The following SEMA3D variants were observed in gnomAD, a reference collection of about 807,000 sequenced individuals.
The protein encoded by SEMA3D is semaphorin 3D.
A neutral mutation model predicts 100.1 loss-of-function variants in SEMA3D; 84 were observed. That is an observed-to-expected ratio of 0.84 (90% CI 0.70 to 1.01). The LOEUF (loss-of-function observed/expected upper bound fraction) is 1.01. SEMA3D is among the 50% of genes least tolerant of loss of function. SEMA3D has a pLI of 0.00. For missense variants in SEMA3D, 875 were observed against 934.1 expected (o/e 0.94, Z 0.82); for synonymous variants, 312 against 320.7 (o/e 0.97, Z 0.29).
chr7:85,182,221 T>C (rs1791429727), intron 1 of SEMA3D, among the ~76,000 whole-genome samples: 1 of 152,162 alleles, frequency 6.6e-6, no homozygotes, highest in African/African-American at 2.4e-5. Flanking sequence ...TTAATTAGTA[T>C]TCTTATATAC....
At chr7:85,028,395 A>T in intron 12 of SEMA3D, 1 of 495,880 alleles carries the variant, frequency 2.0e-6, no homozygotes, top group Non-Finnish European at 3.6e-6. Context: ...AAAAAAAAAA[A>T]AAAAAAAAGG....
At chr7:85,089,813 C>T (rs975616009) in intron 4 of SEMA3D, among the ~76,000 whole-genome samples, 1 of 152,024 alleles carries the variant, frequency 6.6e-6, no homozygotes, top group African/African-American at 2.4e-5. Flanking sequence ...ATTGTTTGAG[C>T]CCAAGAAGTT....
intron 1 of SEMA3D, among the ~76,000 whole-genome samples, chr7:85,173,209 T>A (rs1791133805): frequency 6.6e-6 from 1 of 151,678 alleles, no homozygotes; most frequent in Admixed American, 6.6e-5. Context: ...ATAAATGGAG[T>A]AAAAAAATAT....
chr7:85,212,524 C>A, the SEMA3D span, among the ~76,000 whole-genome samples: 4 of 152,006 alleles, frequency 2.6e-5, no homozygotes, highest in African/African-American at 9.7e-5. Flanking sequence ...CACTTATCAA[C>A]TTTGATATCG....
rs1390808158 is a variant in SEMA3D at position 84,996,858 on chromosome 7, G to A, written c.*2582C>T. On this transcript the variant is annotated 3_prime_UTR_variant, in exon 19 of 19. Coordinates refer to ENST00000284136, the MANE Select transcript of SEMA3D (RefSeq NM_001384900.1). ...GGCAAATTTGATAAAATAGTCAGTG[G>A]TGAGGAAGTATATAGTGTGTTTGTG... 1 of 151,830 alleles carries A rather than the reference G, an allele frequency of 6.6e-6. No homozygotes were observed. The highest frequency in any genetic ancestry group is 2.4e-5 in the African/African-American group (1 of 41,388). The allele number at this position is 151,830 out of a possible 1,614,324, so 9.4% of individuals were successfully genotyped here.
Position 84,998,300 on chromosome 7 carries a change from A to G in SEMA3D, c.*1140T>C, listed in dbSNP as rs1354298781. On this transcript the variant is annotated 3_prime_UTR_variant, in exon 19 of 19. Coordinates refer to ENST00000284136, the MANE Select transcript of SEMA3D (RefSeq NM_001384900.1). ...TAAAGGCAGTAAAAAGAAATAATAT[A>G]CAGAGTATGATAAATATTTTTTAAA... 1 of 152,190 alleles carries G rather than the reference A, an allele frequency of 6.6e-6. No individual in the cohort carries two copies. Among genetic ancestry groups the G allele is most frequent in the Non-Finnish European group, 1.5e-5 (1 of 68,008 alleles). 9.4% of individuals were successfully genotyped at this position (152,190 alleles called of 1,614,324 possible). A position where few individuals can be genotyped will look rare whatever the true frequency, so the allele number is the denominator to read the frequency against.
chr7:85,055,894 C>T (rs758596819), intron 8 of SEMA3D, 35 bp from the exon 9 acceptor site: 16 of 1,227,274 alleles, frequency 1.3e-5, no homozygotes, highest in South Asian at 2.7e-5. Context: ...AATTAAGATA[C>T]TGAAACAATC....
chr7:85,123,795 G>T (rs993913920), intron 2 of SEMA3D, among the ~76,000 whole-genome samples: 4 of 151,852 alleles, frequency 2.6e-5, no homozygotes, highest in African/African-American at 7.3e-5. Context: ...CTTTTAGAAG[G>T]TTACTACATA....
chr7:85,092,800 A>C (rs1300239490), intron 4 of SEMA3D, among the ~76,000 whole-genome samples: 2 of 152,094 alleles, frequency 1.3e-5, no homozygotes. Context: ...ACATAATTAA[A>C]GAGATTTGCA....
chr7:85,221,282 A>T, the SEMA3D span, among the ~76,000 whole-genome samples: 1 of 152,134 alleles, frequency 6.6e-6, no homozygotes, highest in Non-Finnish European at 1.5e-5. Flanking sequence ...CAAGATGCAA[A>T]AGTAGGGGAA....
the SEMA3D span, among the ~76,000 whole-genome samples, chr7:85,229,240 A>G: frequency 4.6e-5 from 7 of 152,076 alleles, no homozygotes; most frequent in African/African-American, 1.4e-4. Context: ...TCAAAAAATT[A>G]TGAGACAAAA....
intron 1 of SEMA3D, among the ~76,000 whole-genome samples, chr7:85,164,788 G>A (rs1422118466): frequency 6.6e-6 from 1 of 152,032 alleles, no homozygotes; most frequent in Non-Finnish European, 1.5e-5. Flanking sequence ...ATTGATTTTA[G>A]AACTTAGAAC....
At chr7:85,179,492 G>C (rs1239538432) in intron 1 of SEMA3D, among the ~76,000 whole-genome samples, 1 of 152,096 alleles carries the variant, frequency 6.6e-6, no homozygotes, top group African/African-American at 2.4e-5. Flanking sequence ...TTTTAGACTT[G>C]CATGGGGCCT....
At chr7:85,097,404 T>C (rs962903358) in intron 4 of SEMA3D, among the ~76,000 whole-genome samples, 2 of 151,852 alleles carry the variant, frequency 1.3e-5, no homozygotes, top group African/African-American at 4.8e-5. Context: ...AAAGTATGCT[T>C]ATTTGTGAAC....
intron 3 of SEMA3D, among the ~76,000 whole-genome samples, chr7:85,111,883 A>G (rs913499965): frequency 6.6e-6 from 1 of 152,040 alleles, no homozygotes; most frequent in African/African-American, 2.4e-5. Context: ...CTTTCACTCC[A>G]GGGCCTTTGC....
chr7:85,055,101 C>G (rs897581407), intron 9 of SEMA3D, among the ~76,000 whole-genome samples: 1 of 151,884 alleles, frequency 6.6e-6, no homozygotes, highest in Admixed American at 6.6e-5. Context: ...TCTCTCAGAA[C>G]CTAAACTAGA....
At chr7:85,217,744 A>G in the SEMA3D span, among the ~76,000 whole-genome samples, 1 of 152,058 alleles carries the variant, frequency 6.6e-6, no homozygotes, top group Non-Finnish European at 1.5e-5. Flanking sequence ...TGACTCTACC[A>G]AGTAATTTGT....
At chr7:85,242,281 AT>A in the SEMA3D span, among the ~76,000 whole-genome samples, 2 of 151,692 alleles carry the variant, frequency 1.3e-5, no homozygotes, top group Non-Finnish European at 2.9e-5. Context: ...ATAATTTTAC[AT>A]TTTTTTCTAA....
chr7:85,211,650 T>C, the SEMA3D span, among the ~76,000 whole-genome samples: 1 of 152,008 alleles, frequency 6.6e-6, no homozygotes, highest in African/African-American at 2.4e-5. Flanking sequence ...CTGTGTACTG[T>C]TGATGCTTGA....
Sources: gnomAD v4.1 joint callset for allele counts (sites outside exome capture counted in the v4.1 genomes callset) on GRCh38, gnomAD v4.1.1 for gene constraint, MANE v1.5 for transcripts, NCBI Gene and HGNC (gene_info 2026-07-23, HGNC 2026-07-21) for gene names.